Variants in RYR2 observed in about 807,000 individuals in gnomAD.
RYR2 encodes the protein ryanodine receptor 2.
RYR2 carries 227 observed loss-of-function variants against 601.1 expected under a neutral mutation model. The observed-to-expected ratio is 0.38, with a 90% CI of 0.34 to 0.42. RYR2 has a LOEUF of 0.42. Among genes scored for constraint, RYR2 ranks in the 10% least tolerant of loss-of-function variants. The pLI is 1.00. For synonymous variants in RYR2, 2,223 were observed against 2,175.1 expected, an observed-to-expected ratio of 1.02 and a Z score of -0.61; for missense variants, 4,646 against 6,156.5, an observed-to-expected ratio of 0.75 and a Z score of 8.21.
chr1:237,189,289 T>C (rs1229955565), intron 1 of RYR2, among the ~76,000 whole-genome samples: 1 of 152,230 alleles, frequency 6.6e-6, no homozygotes, highest in African/African-American at 2.4e-5. Context: ...GACAGTTTCT[T>C]TATCTGTTCG....
chr1:237,730,810 G>A (rs770770551), intron 77 of RYR2, among the ~76,000 whole-genome samples: 1 of 152,144 alleles, frequency 6.6e-6, no homozygotes, highest in African/African-American at 2.4e-5. Flanking sequence ...CATGGTAAAT[G>A]TGGAGCATGA....
intron 3 of RYR2, chr1:237,352,906 A>G (rs766540260): frequency 9.9e-6 from 5 of 507,058 alleles, no homozygotes; most frequent in South Asian, 7.2e-5. Context: ...CCTCCCTACC[A>G]TCTTACATAA....
chr1:237,592,372 C>T (rs1352743880), intron 32 of RYR2, among the ~76,000 whole-genome samples: 1 of 152,142 alleles, frequency 6.6e-6, no homozygotes, highest in Non-Finnish European at 1.5e-5. Context: ...GTGGCTTAAA[C>T]CTGTAATCCC....
At position 237,082,915 on chromosome 1, in the gene RYR2, G is replaced by A. The variant is rs190700446; in HGVS notation, c.48+40346G>A. ...GAGAAATCACTAAAGCCTGATTAATGTTTAGTTTTTGTGGAGCAAAGACTT... is the reference window on the plus strand; with the variant it reads ...GAGAAATCACTAAAGCCTGATTAATATTTAGTTTTTGTGGAGCAAAGACTT... On this transcript the variant is annotated intron_variant, in intron 1 of 104. Coordinates refer to ENST00000366574, the MANE Select transcript of RYR2 (RefSeq NM_001035.3). Among the ~76,000 whole-genome samples, 225 of 152,182 alleles carry A rather than the reference G, an allele frequency of 1.5e-3. 1 individual carries two copies. Among genetic ancestry groups the A allele is most frequent in the African/African-American group, 5.0e-3 (208 of 41,520 alleles).
intron 17 of RYR2, among the ~76,000 whole-genome samples, chr1:237,486,533 C>CGCTT (rs146273102): frequency 6.6e-6 from 1 of 151,642 alleles, no homozygotes; most frequent in African/African-American, 2.4e-5. Context: ...ACTTAAAAGA[C>CGCTT]TCCATAGATT....
intron 96 of RYR2, among the ~76,000 whole-genome samples, chr1:237,795,860 A>ATATGTGTG (rs1558433943): frequency 3.6e-5 from 5 of 138,826 alleles, no homozygotes; most frequent in African/African-American, 1.2e-4. Context: ...GTATATGTAT[A>ATATGTGTG]TATATATATA....
At chr1:237,213,923 T>C (rs1025488736) in intron 1 of RYR2, among the ~76,000 whole-genome samples, 9 of 139,384 alleles carry the variant, frequency 6.5e-5, no homozygotes, top group African/African-American at 1.1e-4. Flanking sequence ...TTCTTTTTTT[T>C]TTTTTTTTTT....
In RYR2 at chr1:237,379,654, G is replaced by A. The variant is rs529043510; in HGVS notation, c.576+2219G>A. On this transcript the variant is annotated intron_variant, in intron 8 of 104. Coordinates refer to ENST00000366574, the MANE Select transcript of RYR2 (RefSeq NM_001035.3). ...TTTATTTTATTTATTTTTTGAGACAGGATCTTGCCCTGTGGCCCAGGCTGG... is the reference window on the plus strand; with the variant it reads ...TTTATTTTATTTATTTTTTGAGACAAGATCTTGCCCTGTGGCCCAGGCTGG... Among the ~76,000 whole-genome samples, 17 of 152,172 alleles carry A rather than the reference G, an allele frequency of 1.1e-4. No homozygotes were observed. The East Asian group carries it at 3.1e-3, about 28-fold the overall frequency.
intron 8 of RYR2, 45 bp downstream of exon 8, chr1:237,377,480 G>T (rs1701137997): frequency 2.1e-6 from 3 of 1,399,632 alleles, no homozygotes; most frequent in East Asian, 4.6e-5. Context: ...TATGCTAAAT[G>T]ACAAGTCAAT....
intron 79 of RYR2, among the ~76,000 whole-genome samples, chr1:237,738,886 A>G (rs1691370297): frequency 6.6e-6 from 1 of 152,198 alleles, no homozygotes; most frequent in African/African-American, 2.4e-5. Flanking sequence ...CAAATGTCAT[A>G]CTGTTTTCCA....
In RYR2 at chr1:237,734,402, A is replaced by G. The variant is rs540514542; in HGVS notation, c.11091+646A>G. ...CAGCATGAGGGAAACCGTCCCCATG[A>G]TCCAATCACCTCCCACCTTGTCCCT... On this transcript the variant is annotated intron_variant, in intron 79 of 104. Coordinates refer to ENST00000366574, the MANE Select transcript of RYR2 (RefSeq NM_001035.3). 3.9e-5 allele frequency among the ~76,000 whole-genome samples: 6 copies of G among 152,284 alleles called. No homozygotes were observed. In the South Asian group the frequency reaches 1.2e-3, roughly 32 times the overall value.
intron 25 of RYR2, among the ~76,000 whole-genome samples, chr1:237,546,287 T>C (rs1245080233): frequency 6.6e-6 from 1 of 152,198 alleles, no homozygotes; most frequent in African/African-American, 2.4e-5. Flanking sequence ...TTTGTCCTAA[T>C]TGTTATAATC....
chr1:237,565,902 A>G (rs889285814), intron 27 of RYR2, among the ~76,000 whole-genome samples: 1 of 151,954 alleles, frequency 6.6e-6, no homozygotes, highest in Non-Finnish European at 1.5e-5. Context: ...TTTGCATCAC[A>G]CTGGTCCTAA....
intron 24 of RYR2, among the ~76,000 whole-genome samples, chr1:237,517,686 G>C (rs1039540194): frequency 6.6e-6 from 1 of 151,944 alleles, no homozygotes. Context: ...TCTCAGCAAA[G>C]TTAAAAGAAA....
intron 24 of RYR2, among the ~76,000 whole-genome samples, chr1:237,528,642 T>A (rs1667822090): frequency 6.6e-6 from 1 of 152,306 alleles, no homozygotes; most frequent in East Asian, 1.9e-4. Flanking sequence ...ATTATAGTAT[T>A]GATGGCATAA....
chr1:237,116,438 T>C (rs571947633), intron 1 of RYR2, among the ~76,000 whole-genome samples: 6 of 152,030 alleles, frequency 3.9e-5, no homozygotes, highest in Non-Finnish European at 8.8e-5. Flanking sequence ...GAGGTACTCT[T>C]ATATTAGTCA....
At chr1:237,188,957 G>A (rs542700831) in intron 1 of RYR2, among the ~76,000 whole-genome samples, 6 of 152,072 alleles carry the variant, frequency 3.9e-5, no homozygotes, top group Non-Finnish European at 7.4e-5. Flanking sequence ...AGTGTTAACC[G>A]TATCCACATT....
intron 74 of RYR2, among the ~76,000 whole-genome samples, chr1:237,724,184 CA>C (rs1689996721): frequency 1.5e-5 from 2 of 137,000 alleles, no homozygotes; most frequent in Admixed American, 7.5e-5. Flanking sequence ...TGTGTGTGTG[CA>C]TATATATATA....
At chr1:237,735,467 A>C (rs1460672040) in intron 79 of RYR2, among the ~76,000 whole-genome samples, 1 of 152,188 alleles carries the variant, frequency 6.6e-6, no homozygotes, top group Admixed American at 6.5e-5. Flanking sequence ...AGAATAGGAA[A>C]GGGAATCATT....
Sources: gnomAD v4.1 joint callset for allele counts (sites outside exome capture counted in the v4.1 genomes callset) on GRCh38, gnomAD v4.1.1 for gene constraint, MANE v1.5 for transcripts, NCBI Gene and HGNC (gene_info 2026-07-23, HGNC 2026-07-21) for gene names.